Variants in KLF17 observed in about 807,000 individuals in gnomAD.
KLF17 encodes Krueppel-like factor 17.
Under a neutral mutation model 34.2 loss-of-function variants are expected in KLF17, and 31 were observed. That is an observed-to-expected ratio of 0.91 (90% CI 0.68 to 1.22). The LOEUF (loss-of-function observed/expected upper bound fraction) is 1.22, where lower values mean the gene tolerates loss of function less well. Among genes scored for constraint, KLF17 ranks in the 50% most tolerant of loss-of-function variants. The pLI, the probability that KLF17 is intolerant of heterozygous loss-of-function variation, is 0.00. For synonymous variants in KLF17, 179 were observed against 186.7 expected, an observed-to-expected ratio of 0.96 and a Z score of 0.34; for missense variants, 478 against 505.2, an observed-to-expected ratio of 0.95 and a Z score of 0.52.
At chr1:44,120,234 G>A (rs552447948) in intron 1 of KLF17, among the ~76,000 whole-genome samples, 6 of 152,248 alleles carry the variant, frequency 3.9e-5, no homozygotes, top group East Asian at 1.9e-4. Flanking sequence ...TGGGCCATCC[G>A]AAAGGACTCA....
the KLF17 span, among the ~76,000 whole-genome samples, chr1:44,049,774 T>C: frequency 0.75 from 113,314 of 152,026 alleles, 42,524 homozygotes; most frequent in African/African-American, 0.8. Flanking sequence ...TGAGCCGCCG[T>C]ACCCGGCCTA....
At chr1:44,096,715 A>G in the KLF17 span, among the ~76,000 whole-genome samples, 1 of 152,054 alleles carries the variant, frequency 6.6e-6, no homozygotes, top group Admixed American at 6.5e-5. Context: ...TTTTTAAAAA[A>G]AAATTTTTTT....
chr1:44,072,888 A>G, the KLF17 span, among the ~76,000 whole-genome samples: 1 of 152,132 alleles, frequency 6.6e-6, no homozygotes, highest in Non-Finnish European at 1.5e-5. Flanking sequence ...AAAACGTAGC[A>G]TCCCAGAAGC....
the KLF17 span, among the ~76,000 whole-genome samples, chr1:44,080,489 T>C: frequency 6.6e-5 from 10 of 151,916 alleles, no homozygotes; most frequent in South Asian, 4.2e-4. Context: ...ATGCCCGCCT[T>C]GGCCTCCCAA....
At chr1:44,091,965 T>G in the KLF17 span, among the ~76,000 whole-genome samples, 52 of 80,480 alleles carry the variant, frequency 6.5e-4, no homozygotes, top group Middle Eastern at 6.5e-3. Flanking sequence ...ACACACACTC[T>G]CTCTCTCTCT....
At chr1:44,119,586 G>C (rs191612092) in intron 1 of KLF17, among the ~76,000 whole-genome samples, 1 of 152,160 alleles carries the variant, frequency 6.6e-6, no homozygotes, top group African/African-American at 2.4e-5. Flanking sequence ...TCAGGGGCGC[G>C]TGGGAGCAGA....
At chr1:44,120,495 G>C (rs965936687) in intron 1 of KLF17, among the ~76,000 whole-genome samples, 1 of 152,210 alleles carries the variant, frequency 6.6e-6, no homozygotes, top group Non-Finnish European at 1.5e-5. Context: ...GTGGCCAGTG[G>C]TCGTATAAGC....
At chr1:44,046,067 TAAG>T in the KLF17 span, 2 of 150,752 alleles carry the variant, frequency 1.3e-5, no homozygotes, top group Non-Finnish European at 3.0e-5. Flanking sequence ...TCATGGAACA[TAAG>T]AAAAATAAAA....
chr1:44,121,684 T>C (rs2087947689), intron 1 of KLF17, among the ~76,000 whole-genome samples: 1 of 152,262 alleles, frequency 6.6e-6, no homozygotes, highest in African/African-American at 2.4e-5. Context: ...CTTTATCTTC[T>C]ATCACTTGTA....
chr1:44,105,685 T>C, the KLF17 span, among the ~76,000 whole-genome samples: 6 of 152,234 alleles, frequency 3.9e-5, no homozygotes, highest in African/African-American at 1.4e-4. Context: ...TTAATTTTTT[T>C]CTAGAACAAT....
At chr1:44,070,928 G>A in the KLF17 span, among the ~76,000 whole-genome samples, 1 of 152,122 alleles carries the variant, frequency 6.6e-6, no homozygotes, top group African/African-American at 2.4e-5. Flanking sequence ...ATATTTTTAT[G>A]TTATTTTGAA....
chr1:44,044,152 T>C, the KLF17 span: 1 of 152,588 alleles, frequency 6.6e-6, no homozygotes, highest in Non-Finnish European at 1.5e-5. Context: ...ATGTATGCCT[T>C]CTGTGCTGTG....
At chr1:44,087,593 C>A in the KLF17 span, among the ~76,000 whole-genome samples, 1 of 150,718 alleles carries the variant, frequency 6.6e-6, no homozygotes, top group Non-Finnish European at 1.5e-5. Flanking sequence ...AGCTGGACTT[C>A]CAGGATGGAG....
the KLF17 span, among the ~76,000 whole-genome samples, chr1:44,111,662 G>T: frequency 6.6e-6 from 1 of 152,024 alleles, no homozygotes; most frequent in Non-Finnish European, 1.5e-5. Context: ...GGGAGGCCGA[G>T]GTGGGCGGAT....
chr1:44,092,011 ATTT>A, the KLF17 span, among the ~76,000 whole-genome samples: 1 of 144,738 alleles, frequency 6.9e-6, no homozygotes. Context: ...CCTCCCCCAA[ATTT>A]AAAAAGAACT....
the KLF17 span, chr1:44,076,035 AC>A: frequency 6.6e-6 from 1 of 152,208 alleles, no homozygotes; most frequent in Non-Finnish European, 1.5e-5. Flanking sequence ...TTATTATGAC[AC>A]AAACTTCATG....
intron 1 of KLF17, among the ~76,000 whole-genome samples, chr1:44,123,003 AT>A (rs910185082): frequency 1.1e-4 from 16 of 151,746 alleles, no homozygotes; most frequent in African/African-American, 2.7e-4. Context: ...GTAATTTTGA[AT>A]TTTTTTTTCT....
the KLF17 span, among the ~76,000 whole-genome samples, chr1:44,047,361 G>A: frequency 2.6e-5 from 4 of 152,196 alleles, no homozygotes; most frequent in East Asian, 5.8e-4. Context: ...AGAGAGAACC[G>A]TAAGCACTGG....
At chr1:44,088,686 G>A in the KLF17 span, among the ~76,000 whole-genome samples, 1 of 152,120 alleles carries the variant, frequency 6.6e-6, no homozygotes, top group East Asian at 1.9e-4. Flanking sequence ...GTCACATTGG[G>A]GGTTAGGGTT....
Sources: allele counts gnomAD v4.1 joint callset (sites outside exome capture counted in the v4.1 genomes callset), GRCh38; gene constraint gnomAD v4.1.1; transcripts MANE v1.5; gene names NCBI Gene and HGNC (gene_info 2026-07-23, HGNC 2026-07-21).